COL25A1: variants seen among roughly 807,000 people sequenced by gnomAD.
COL25A1 encodes collagen alpha-1(XXV) chain.
Under a neutral mutation model 128.4 loss-of-function variants are expected in COL25A1, and 103 were observed. That is an observed-to-expected ratio of 0.80 (90% confidence interval 0.68 to 0.94). The LOEUF is 0.94. Among genes scored for constraint, COL25A1 ranks in the 40% least tolerant of loss-of-function variants. The probability of loss-of-function intolerance (pLI) is 0.00; values close to 1 mark genes in which losing one functional copy is unlikely to be tolerated. For missense variants in COL25A1, 745 were observed against 840.0 expected, an observed-to-expected ratio of 0.89 and a Z score of 1.40; for synonymous variants, 279 against 277.2, an observed-to-expected ratio of 1.01 and a Z score of -0.06.
chr4:108,910,336 A>T lies in COL25A1; in HGVS notation c.780+7836T>A, dbSNP rs1578737584. 4.6e-5 allele frequency among the ~76,000 whole-genome samples: 7 copies of T among 152,292 alleles called. No individual in the cohort carries two copies. In the Middle Eastern group the frequency reaches 0.024, roughly 518 times the overall value. ...GAATGAGATAATACTTCTTACTGATACTCACTTGGACACCTAAGAGGTTTC... is the reference window on the plus strand; with the variant it reads ...GAATGAGATAATACTTCTTACTGATTCTCACTTGGACACCTAAGAGGTTTC... On this transcript the variant is annotated intron_variant, in intron 13 of 37. Coordinates refer to ENST00000399132, the MANE Select transcript of COL25A1 (RefSeq NM_198721.4).
intron 19 of COL25A1, among the ~76,000 whole-genome samples, chr4:108,874,773 A>C (rs910710325): frequency 2.0e-5 from 3 of 152,226 alleles, no homozygotes; most frequent in African/African-American, 7.2e-5. Context: ...TGAGGGAAAG[A>C]CAAAGACTTA....
intron 3 of COL25A1, among the ~76,000 whole-genome samples, chr4:109,165,871 A>G (rs1361004184): frequency 6.6e-6 from 1 of 152,168 alleles, no homozygotes; most frequent in Non-Finnish European, 1.5e-5. Flanking sequence ...TAACTAGAAG[A>G]AGGCTTGTAC....
chr4:108,877,353 C>A (rs1465772838), intron 19 of COL25A1, among the ~76,000 whole-genome samples: 1 of 152,106 alleles, frequency 6.6e-6, no homozygotes, highest in Non-Finnish European at 1.5e-5. Flanking sequence ...AAACAGGATC[C>A]TGTTTCTGCA....
Position 109,302,241 on chromosome 4 carries a change from T to A in COL25A1, c.-129A>T. 1.8e-6 allele frequency: 1 copy of A among 561,700 alleles called. No homozygotes were observed. Among genetic ancestry groups the A allele is most frequent in the Non-Finnish European group, 3.0e-6 (1 of 335,568 alleles). The allele number at this position is 561,700 out of a possible 1,614,324, so 34.8% of individuals were successfully genotyped here. On this transcript the variant is annotated 5_prime_UTR_variant, in exon 1 of 38. Coordinates refer to ENST00000399132, the MANE Select transcript of COL25A1 (RefSeq NM_198721.4). ...TTTCTTCTCTCCTCCCAGCTGGAAG[T>A]GAAAAGCACCCTCCGTCCGGGGACT...
intron 13 of COL25A1, among the ~76,000 whole-genome samples, chr4:108,904,694 C>T (rs1342924446): frequency 6.6e-6 from 1 of 151,960 alleles, no homozygotes; most frequent in Non-Finnish European, 1.5e-5. Flanking sequence ...TATTTCTGAA[C>T]ACATTTCATA....
chr4:109,038,265 T>C (rs1473396526), intron 5 of COL25A1, among the ~76,000 whole-genome samples: 2 of 152,200 alleles, frequency 1.3e-5, no homozygotes, highest in Admixed American at 1.3e-4. Context: ...CCCTCAATAA[T>C]GTGGGAGGGC....
intron 16 of COL25A1, among the ~76,000 whole-genome samples, chr4:108,892,752 A>G (rs1188069359): frequency 6.6e-6 from 1 of 152,196 alleles, no homozygotes; most frequent in African/African-American, 2.4e-5. Context: ...AAGCAAATGC[A>G]TGGCTATCAA....
intron 3 of COL25A1, among the ~76,000 whole-genome samples, chr4:109,238,505 G>T (rs977046581): frequency 2.0e-5 from 3 of 152,044 alleles, no homozygotes; most frequent in African/African-American, 7.2e-5. Context: ...GTGAGGCTCT[G>T]TAGACTAGTA....
intron 3 of COL25A1, among the ~76,000 whole-genome samples, chr4:109,129,318 G>A (rs756327729): frequency 7.9e-5 from 12 of 151,934 alleles, no homozygotes; most frequent in Non-Finnish European, 1.5e-4. Context: ...TAGTAGAGAC[G>A]GGGTTTCTCC....
chr4:109,070,821 T>A (rs890485408), intron 3 of COL25A1, among the ~76,000 whole-genome samples: 8 of 151,930 alleles, frequency 5.3e-5, no homozygotes, highest in Non-Finnish European at 1.2e-4. Context: ...TTGCTGAGAA[T>A]TATGGTTTCC....
chr4:108,981,573 G>A (rs1752976731), intron 6 of COL25A1, among the ~76,000 whole-genome samples: 1 of 152,162 alleles, frequency 6.6e-6, no homozygotes, highest in Non-Finnish European at 1.5e-5. Context: ...GAATTTGAGA[G>A]TTACTTTAAA....
chr4:109,172,883 T>C (rs1773720892), intron 3 of COL25A1, among the ~76,000 whole-genome samples: 2 of 152,190 alleles, frequency 1.3e-5, no homozygotes, highest in African/African-American at 4.8e-5. Flanking sequence ...TGCAGTAACA[T>C]GACTGGCTGG....
At chr4:109,164,661 C>A (rs1772899737) in intron 3 of COL25A1, among the ~76,000 whole-genome samples, 1 of 152,042 alleles carries the variant, frequency 6.6e-6, no homozygotes, top group African/African-American at 2.4e-5. Context: ...GTTCAAAAGT[C>A]CTGTAGGGTG....
At chr4:109,024,610 A>G (rs1203559541) in intron 5 of COL25A1, among the ~76,000 whole-genome samples, 1 of 152,154 alleles carries the variant, frequency 6.6e-6, no homozygotes, top group East Asian at 1.9e-4. Context: ...TAAGTTTTTT[A>G]TGCTTCTCTA....
At chr4:109,019,815 G>A (rs934006409) in intron 5 of COL25A1, among the ~76,000 whole-genome samples, 2 of 152,074 alleles carry the variant, frequency 1.3e-5, no homozygotes, top group African/African-American at 4.8e-5. Context: ...TAAAACTGAG[G>A]CAGTCAAAGG....
chr4:109,128,310 A>T (rs1335232873), intron 3 of COL25A1, among the ~76,000 whole-genome samples: 1 of 152,204 alleles, frequency 6.6e-6, no homozygotes, highest in Non-Finnish European at 1.5e-5. Flanking sequence ...AATTTCTTCC[A>T]GAGGAGCCTG....
At chr4:108,913,261 CTTTTTTTT>C (rs201929872) in intron 13 of COL25A1, among the ~76,000 whole-genome samples, 1 of 92,422 alleles carries the variant, frequency 1.1e-5, no homozygotes, top group Admixed American at 1.5e-4. Context: ...TCTCTAGCTC[CTTTTTTTT>C]TTTTTTTTTT....
chr4:108,894,501 A>G (rs1274788238), intron 16 of COL25A1, among the ~76,000 whole-genome samples: 1 of 152,184 alleles, frequency 6.6e-6, no homozygotes, highest in Non-Finnish European at 1.5e-5. Context: ...AATAACAATA[A>G]TAATTCATGA....
intron 26 of COL25A1, among the ~76,000 whole-genome samples, chr4:108,851,026 A>G (rs1404106977): frequency 1.3e-5 from 2 of 152,070 alleles, no homozygotes; most frequent in Non-Finnish European, 2.9e-5. Context: ...CTGGAGTCTT[A>G]GTCAAGCGAG....
Sources: allele counts gnomAD v4.1 joint callset (sites outside exome capture counted in the v4.1 genomes callset), GRCh38; gene constraint gnomAD v4.1.1; transcripts MANE v1.5; gene names NCBI Gene and HGNC (gene_info 2026-07-23, HGNC 2026-07-21).